MED15: variants seen among roughly 807,000 people sequenced by gnomAD.
The protein encoded by MED15 is mediator of RNA polymerase II transcription subunit 15.
MED15 carries 41 observed loss-of-function variants against 118.7 expected under a neutral mutation model. That is an observed-to-expected ratio of 0.35 (90% confidence interval 0.27 to 0.45). The LOEUF (loss-of-function observed/expected upper bound fraction) is 0.45, where lower values mean the gene tolerates loss of function less well. Among genes scored for constraint, MED15 ranks in the 20% least tolerant of loss-of-function variants. The probability of loss-of-function intolerance (pLI) is 1.00; values close to 1 mark genes in which losing one functional copy is unlikely to be tolerated. For synonymous variants in MED15, 436 were observed against 413.9 expected (o/e 1.05, Z -0.65); for missense variants, 740 against 1,025.5 (o/e 0.72, Z 3.80).
chr22:20,523,651 G>A, intron 1 of MED15: 7 of 985,336 alleles, frequency 7.1e-6, no homozygotes, highest in Non-Finnish European at 8.4e-6. Flanking sequence ...CCACATGCTT[G>A]CCTGGTGGTG....
chr22:20,531,937 G>A (rs2054878985), intron 1 of MED15, among the ~76,000 whole-genome samples: 1 of 152,228 alleles, frequency 6.6e-6, no homozygotes, highest in African/African-American at 2.4e-5. Context: ...CAGGCAATGT[G>A]CCAGGTAGTA....
At position 20,537,786 on chromosome 22, in the gene MED15, G is replaced by A. The variant is rs73879397; in HGVS notation, c.156+582G>A. Reference sequence around the variant, plus strand: ...TGTGTGTGCTCCCTGGGACAGAACCGTTTTACTAGAAATGAACAAAACACA... The same window carrying A: ...TGTGTGTGCTCCCTGGGACAGAACCATTTTACTAGAAATGAACAAAACACA... On this transcript the variant is annotated intron_variant, in intron 2 of 17. Coordinates refer to ENST00000263205, the MANE Select transcript of MED15 (RefSeq NM_001003891.3). Among the ~76,000 whole-genome samples the A allele has an allele frequency of 5.4e-3, 816 of 152,330 alleles. 7 individuals are homozygous for A. The highest frequency in any genetic ancestry group is 0.018 in the African/African-American group (761 of 41,568).
intron 5 of MED15, among the ~76,000 whole-genome samples, chr22:20,559,022 G>A (rs1245678066): frequency 6.6e-6 from 1 of 152,118 alleles, no homozygotes. Context: ...CGGGCACAGT[G>A]GCTCACGACT....
chr22:20,524,189 TAGAG>T (rs1318278573), intron 1 of MED15: 1 of 152,238 alleles, frequency 6.6e-6, no homozygotes, highest in African/African-American at 2.4e-5. Flanking sequence ...GCCTGAGAGA[TAGAG>T]AGGCCAGATG....
intron 13 of MED15, 33 bp downstream of exon 13, chr22:20,583,426 C>T (rs1450392204): frequency 6.2e-7 from 1 of 1,610,068 alleles, no homozygotes; most frequent in Admixed American, 1.7e-5. Context: ...GGAGGGTCCA[C>T]AAGGGCACAG....
At chr22:20,543,111 T>TTGTGTGTGTGTGTG (rs61279859) in intron 2 of MED15, among the ~76,000 whole-genome samples, 38 of 141,268 alleles carry the variant, frequency 2.7e-4, no homozygotes, top group East Asian at 1.1e-3. Flanking sequence ...TCTCTCTTCT[T>TTGTGTGTGTGTGTG]TGTGTGTGTG....
At chr22:20,574,913 T>C (rs2056776769) in intron 8 of MED15, 200 bp from the exon 9 acceptor site, 3 of 696,684 alleles carry the variant, frequency 4.3e-6, no homozygotes, top group Non-Finnish European at 7.4e-6. Flanking sequence ...ATCTTCTAGA[T>C]TCCCAATGCC....
chr22:20,527,851 G>A (rs1310949601), intron 1 of MED15, among the ~76,000 whole-genome samples: 1 of 151,740 alleles, frequency 6.6e-6, no homozygotes. Flanking sequence ...CAGCTACTCG[G>A]GAGGCTGAGG....
chr22:20,512,547 G>A (rs5756597), intron 1 of MED15, among the ~76,000 whole-genome samples: 8,947 of 150,580 alleles, frequency 0.059, 620 homozygotes, highest in East Asian at 0.37. Context: ...ACTTGTTGAG[G>A]AGTGGAATAG....
At chr22:20,515,409 G>T (rs920819203) in intron 1 of MED15, among the ~76,000 whole-genome samples, 2 of 151,956 alleles carry the variant, frequency 1.3e-5, no homozygotes, top group South Asian at 4.1e-4. Flanking sequence ...GTAGGAAGAA[G>T]AATTGTTTTG....
intron 1 of MED15, among the ~76,000 whole-genome samples, chr22:20,524,111 T>C (rs1310454581): frequency 6.6e-6 from 1 of 152,228 alleles, no homozygotes; most frequent in Non-Finnish European, 1.5e-5. Flanking sequence ...AACCAGAATG[T>C]AGAAGTTTCA....
chr22:20,507,610 G>C lies in MED15; in HGVS notation c.-69G>C. ...GCGGACGGCTTCCGGGTTTGGGCCT[G>C]GCTCTGTGACTGAGGCGGCGGCGGT... On this transcript the variant is annotated 5_prime_UTR_variant, in exon 1 of 18. Coordinates refer to ENST00000263205, the MANE Select transcript of MED15 (RefSeq NM_001003891.3). The C allele has an allele frequency of 6.3e-7, 1 of 1,597,044 alleles. No homozygotes were observed.
intron 1 of MED15, among the ~76,000 whole-genome samples, chr22:20,528,894 G>T (rs553849402): frequency 2.0e-5 from 3 of 152,272 alleles, no homozygotes; most frequent in African/African-American, 7.2e-5. Context: ...GTGGTCACCT[G>T]GTGCTGGAGT....
chr22:20,544,902 G>A (rs920259191), intron 2 of MED15, among the ~76,000 whole-genome samples: 1 of 152,068 alleles, frequency 6.6e-6, no homozygotes, highest in African/African-American at 2.4e-5. Context: ...TCTTCACGTC[G>A]CCTTCTCTGT....
At chr22:20,509,484 A>G (rs1031798866) in intron 1 of MED15, among the ~76,000 whole-genome samples, 1 of 152,002 alleles carries the variant, frequency 6.6e-6, no homozygotes, top group African/African-American at 2.4e-5. Context: ...GCGGGAGATT[A>G]TAAAGGCCTG....
chr22:20,558,459 T>C (rs552938576), intron 5 of MED15, among the ~76,000 whole-genome samples: 1 of 152,328 alleles, frequency 6.6e-6, no homozygotes, highest in South Asian at 2.1e-4. Flanking sequence ...GGGGCTGCAG[T>C]ACAGAGTTGG....
chr22:20,543,745 A>T (rs2055414129), intron 2 of MED15, among the ~76,000 whole-genome samples: 2 of 150,974 alleles, frequency 1.3e-5, no homozygotes, highest in Admixed American at 6.6e-5. Context: ...TTTAGTAAAG[A>T]TGGGATTTCA....
chr22:20,582,701 T>C lies in MED15; in HGVS notation c.1363T>C (p.Ser455Pro). The stretch of plus-strand genomic sequence containing the variant: ...GTCGATGCCCCCTCCCCCCCAGCCG[T>C]CCCCGCAGCCCGGCCAGCCCAGCTC... The part of the protein sequence containing the change: ...PQSMPPPPQP[S>P]PQPGQPSSQP... The change falls in exon 10 of 18, where the codon TCC (serine) becomes CCC (proline). Residue 455 changes from serine to proline, a missense_variant. This residue lies in a region of MED15 where 384 missense variants were observed against 506.3 expected (regional missense o/e 0.76). Coordinates refer to ENST00000263205, the MANE Select transcript of MED15 (RefSeq NM_001003891.3). The C allele has an allele frequency of 1.9e-6, 3 of 1,568,708 alleles. No individual in the cohort carries two copies. Among genetic ancestry groups the C allele is most frequent in the Non-Finnish European group, 2.6e-6 (3 of 1,161,378 alleles).
chr22:20,508,540 G>A, intron 1 of MED15: 1 of 568,586 alleles, frequency 1.8e-6, no homozygotes, highest in South Asian at 1.8e-5. Context: ...CGTTTTATAG[G>A]ATTTGGGAAG....
Sources: allele counts gnomAD v4.1 joint callset (sites outside exome capture counted in the v4.1 genomes callset), GRCh38; gene constraint gnomAD v4.1.1; regional missense constraint gnomAD v4.1.1; transcripts MANE v1.5; gene names NCBI Gene and HGNC (gene_info 2026-07-23, HGNC 2026-07-21).